KIAA1671: variants seen among roughly 807,000 people sequenced by gnomAD.
KIAA1671 encodes the protein uncharacterized protein KIAA1671.
In KIAA1671, 52 loss-of-function variants were observed where a neutral mutation model predicts 131.2. The ratio of observed to expected loss-of-function variants is 0.40; its 90% CI spans 0.32 to 0.50. The LOEUF (loss-of-function observed/expected upper bound fraction) is 0.50, where lower values mean the gene tolerates loss of function less well. Among genes scored for constraint, KIAA1671 ranks in the 20% least tolerant of loss-of-function variants. The pLI is 0.73. For missense variants in KIAA1671, 2,360 were observed against 2,364.2 expected (o/e 1.00, Z 0.04); for synonymous variants, 1,003 against 961.6 (o/e 1.04, Z -0.80).
chr22:25,127,220 C>T (rs1255128747), intron 6 of KIAA1671, among the ~76,000 whole-genome samples: 1 of 152,164 alleles, frequency 6.6e-6, no homozygotes, highest in Non-Finnish European at 1.5e-5. Flanking sequence ...GGTAGGTGCT[C>T]AGTAGCTTCA....
At chr22:25,024,479 G>A (rs1925830284) in intron 1 of KIAA1671, 1 of 152,084 alleles carries the variant, frequency 6.6e-6, no homozygotes, top group Non-Finnish European at 1.5e-5. Context: ...AAACTGATAG[G>A]GGTCCCTGGG....
intron 1 of KIAA1671, among the ~76,000 whole-genome samples, chr22:24,970,340 A>G (rs1337415240): frequency 1.3e-5 from 2 of 152,194 alleles, no homozygotes. Flanking sequence ...GAGAGAGGAA[A>G]GGGCTGGGGG....
chr22:24,990,919 C>CA (rs78209495), intron 1 of KIAA1671, among the ~76,000 whole-genome samples: 75,549 of 151,724 alleles, frequency 0.5, 20,526 homozygotes, highest in African/African-American at 0.72. Flanking sequence ...AAGCCAGGAC[C>CA]AAAGGCTTCT....
intron 6 of KIAA1671, chr22:25,059,732 C>G (rs916770120): frequency 1.3e-5 from 2 of 152,092 alleles, no homozygotes; most frequent in Non-Finnish European, 2.9e-5. Context: ...TGCACAAGGC[C>G]GGGAGGCTGG....
At chr22:24,985,556 G>T (rs963934160) in intron 1 of KIAA1671, among the ~76,000 whole-genome samples, 2 of 152,142 alleles carry the variant, frequency 1.3e-5, no homozygotes, top group African/African-American at 4.8e-5. Context: ...AGCCAGGATG[G>T]TCTCGATCTC....
intron 1 of KIAA1671, among the ~76,000 whole-genome samples, chr22:24,964,875 T>C (rs1922213001): frequency 6.6e-6 from 1 of 152,130 alleles, no homozygotes; most frequent in South Asian, 2.1e-4. Context: ...TCTGAATCAC[T>C]CCTGTTGGTG....
At chr22:25,043,709 A>T (rs763222512) in intron 5 of KIAA1671, among the ~76,000 whole-genome samples, 1 of 152,098 alleles carries the variant, frequency 6.6e-6, no homozygotes, top group African/African-American at 2.4e-5. Flanking sequence ...AGGGTTGGCC[A>T]TGCTTTTGGG....
rs147471935 is a variant in KIAA1671 at position 25,138,085 on chromosome 22, T to C, written c.4531-32735T>C. 3.2e-3 allele frequency among the ~76,000 whole-genome samples: 490 copies of C among 152,340 alleles called. 2 individuals are homozygous for C. Among genetic ancestry groups the C allele is most frequent in the African/African-American group, 0.011 (472 of 41,586 alleles). ...CAGGATCAGCTAGGTTGTGCTGCAG[T>C]GACAAATGGCCCTCAAAACTTCAGT... On this transcript the variant is annotated intron_variant, in intron 6 of 12. Coordinates refer to ENST00000358431, the MANE Select transcript of KIAA1671 (RefSeq NM_001145206.2).
Position 25,039,191 on chromosome 22 carries a change from C to A in KIAA1671, c.2061C>A (p.Thr687=). 1 of 1,552,092 alleles carries A rather than the reference C, an allele frequency of 6.4e-7. No individual in the cohort carries two copies. Among genetic ancestry groups the A allele is most frequent in the Non-Finnish European group, 8.7e-7 (1 of 1,147,112 alleles). ...DNPETEKLGP[T]TLLNGELRPY... is the part of the protein sequence containing the mutation. ...CCGAGACGGAGAAATTGGGACCAACCACCCTTTTGAATGGTGAACTGAGAC... is the reference window on the plus strand; with the variant it reads ...CCGAGACGGAGAAATTGGGACCAACAACCCTTTTGAATGGTGAACTGAGAC... The change falls in exon 5 of 13, where the codon ACC becomes ACA. Residue 687 remains threonine, a synonymous_variant. Coordinates refer to ENST00000358431, the MANE Select transcript of KIAA1671 (RefSeq NM_001145206.2).
At chr22:25,062,759 G>T (rs1240837730) in intron 6 of KIAA1671, 1 of 152,202 alleles carries the variant, frequency 6.6e-6, no homozygotes, top group Non-Finnish European at 1.5e-5. Context: ...GTTGGGTCAG[G>T]CTGGGAACTG....
At chr22:25,096,038 A>G (rs552936701) in intron 6 of KIAA1671, among the ~76,000 whole-genome samples, 5 of 152,290 alleles carry the variant, frequency 3.3e-5, no homozygotes, top group Admixed American at 2.0e-4. Context: ...CCTGCCGCAG[A>G]TGGTAGTTGG....
chr22:25,120,263 T>G (rs1038587350), intron 6 of KIAA1671, among the ~76,000 whole-genome samples: 2 of 152,240 alleles, frequency 1.3e-5, no homozygotes, highest in Non-Finnish European at 2.9e-5. Flanking sequence ...GGGGTTAGAC[T>G]TAAAGCCAGC....
chr22:25,168,153 A>C (rs1224127029), intron 6 of KIAA1671, among the ~76,000 whole-genome samples: 1 of 152,190 alleles, frequency 6.6e-6, no homozygotes, highest in East Asian at 1.9e-4. Context: ...CTGCTGAGGA[A>C]CAATCAGCCC....
chr22:25,128,041 A>G (rs965004993), intron 6 of KIAA1671, among the ~76,000 whole-genome samples: 2 of 152,176 alleles, frequency 1.3e-5, no homozygotes, highest in Non-Finnish European at 1.5e-5. Context: ...AAGGGCCTCA[A>G]CCTCTTTGAG....
At chr22:25,071,607 A>AGCCGAGATCCCGCCACTGCACTCCAGCC (rs1555875809) in intron 6 of KIAA1671, among the ~76,000 whole-genome samples, 20 of 152,010 alleles carry the variant, frequency 1.3e-4, no homozygotes, top group Admixed American at 2.6e-4. Context: ...GTCTCCAATA[A>AGCCGAGATCCCGCCACTGCACTCCAGCC]TCGTATTTTT....
intron 6 of KIAA1671, among the ~76,000 whole-genome samples, chr22:25,115,635 C>T (rs1412113956): frequency 1.3e-5 from 2 of 152,184 alleles, no homozygotes; most frequent in African/African-American, 2.4e-5. Flanking sequence ...GAAGGCTAGA[C>T]TGGTGCCTCA....
Position 25,038,732 on chromosome 22 carries a change from G to A in KIAA1671, c.1630-28G>A. 8 of 1,513,422 alleles carry A rather than the reference G, an allele frequency of 5.3e-6. No individual in the cohort carries two copies. The Admixed American group carries it at 8.7e-5, about 16-fold the overall frequency. 93.7% of individuals were successfully genotyped at this position (1,513,422 alleles called of 1,614,324 possible). A position where few individuals can be genotyped will look rare whatever the true frequency, so the allele number is the denominator to read the frequency against. ...ATCTCAAATCCTTAAACACTGAGGT[G>A]TTTCTTTTTCTTTTTGTTTCTTTCC... On this transcript the variant is annotated intron_variant, in intron 4 of 12. Coordinates refer to ENST00000358431, the MANE Select transcript of KIAA1671 (RefSeq NM_001145206.2).
intron 6 of KIAA1671, among the ~76,000 whole-genome samples, chr22:25,111,154 G>A (rs1041510984): frequency 6.6e-6 from 1 of 152,244 alleles, no homozygotes; most frequent in Non-Finnish European, 1.5e-5. Flanking sequence ...GACGCTGCCT[G>A]TAACCTTAGA....
intron 1 of KIAA1671, among the ~76,000 whole-genome samples, chr22:24,966,790 A>G (rs1922327894): frequency 6.6e-6 from 1 of 152,086 alleles, no homozygotes; most frequent in African/African-American, 2.4e-5. Flanking sequence ...CTGTCTCTAC[A>G]AAAAATTTAA....
Sources: gnomAD v4.1 joint callset for allele counts (sites outside exome capture counted in the v4.1 genomes callset) on GRCh38, gnomAD v4.1.1 for gene constraint, MANE v1.5 for transcripts, NCBI Gene and HGNC (gene_info 2026-07-23, HGNC 2026-07-21) for gene names.